Variants in ELF4 observed in about 807,000 individuals in gnomAD.
The protein encoded by ELF4 is E74 like ETS transcription factor 4.
In ELF4, 10 loss-of-function variants were observed where a neutral mutation model predicts 31.7. The ratio of observed to expected loss-of-function variants is 0.32; its 90% CI spans 0.19 to 0.54. ELF4 has a LOEUF of 0.54. Among genes scored for constraint, ELF4 ranks in the 20% least tolerant of loss-of-function variants. The pLI is 0.95. For missense variants in ELF4, 418 were observed against 522.0 expected (o/e 0.80, Z 1.94); for synonymous variants, 208 against 226.7 (o/e 0.92, Z 0.74).
At chrX:130,094,930 G>C (rs1011410767) in intron 1 of ELF4, among the ~76,000 whole-genome samples, 4 of 111,545 alleles carry the variant, frequency 3.6e-5, no homozygotes, top group African/African-American at 1.3e-4. Flanking sequence ...AGCTCAGGGT[G>C]AGCACTTGTG....
chrX:130,088,254 T>G (rs1932993371), intron 1 of ELF4, among the ~76,000 whole-genome samples: 1 of 107,773 alleles, frequency 9.3e-6, no homozygotes, highest in Non-Finnish European at 1.9e-5. Flanking sequence ...ATAAATAAAA[T>G]AAGAGTGGGT....
intron 8 of ELF4, among the ~76,000 whole-genome samples, chrX:130,068,930 A>G (rs2124611906): frequency 8.9e-6 from 1 of 112,433 alleles, no homozygotes; most frequent in Admixed American, 9.4e-5. Flanking sequence ...CAAGAAGTTG[A>G]AAACTGAGCC....
At chrX:130,100,914 T>C (rs1933241833) in intron 1 of ELF4, among the ~76,000 whole-genome samples, 1 of 112,311 alleles carries the variant, frequency 8.9e-6, no homozygotes, top group South Asian at 3.7e-4. Context: ...ATCTTAGGGC[T>C]ACAGACTAGG....
chrX:130,078,801 AC>A (rs1569404493), intron 2 of ELF4, among the ~76,000 whole-genome samples: 2 of 104,722 alleles, frequency 1.9e-5, no homozygotes, highest in Non-Finnish European at 4.0e-5. Context: ...ACACACACAC[AC>A]ACACAATTAG....
At position 130,072,562 on chromosome X, in the gene ELF4, C is replaced by T. The variant is rs1932798483; in HGVS notation, c.341-145G>A. 3 of 559,813 alleles carry T rather than the reference C, an allele frequency of 5.4e-6. No homozygotes were observed. The East Asian group carries it at 1.0e-4, about 19-fold the overall frequency. 46.1% of individuals were successfully genotyped at this position (559,813 alleles called of 1,213,427 possible). ...ACACAGGATACACCTGAAAATGCCT[C>T]ATGTGGCTTGTACCACGAGGAGAGG... On this transcript the variant is annotated intron_variant, in intron 4 of 8. Transcript: ENST00000308167.
At chrX:130,074,834 C>A in intron 2 of ELF4, 82 bp from the exon 3 acceptor site, 1 of 1,093,324 alleles carries the variant, frequency 9.1e-7, no homozygotes, top group Non-Finnish European at 1.3e-6. Flanking sequence ...GCCCTCTGTG[C>A]AAGTCCTTAT....
At chrX:130,086,602 C>T (rs982494041) in intron 1 of ELF4, among the ~76,000 whole-genome samples, 2 of 112,368 alleles carry the variant, frequency 1.8e-5, no homozygotes, top group African/African-American at 3.2e-5. Flanking sequence ...ATGGAAAAGT[C>T]GGCCATCTTT....
rs1932707394 is a variant in ELF4, at chrX:130,067,367, G to A, written c.1346C>T (p.Ala449Val). The A allele has an allele frequency of 2.5e-6, 3 of 1,212,060 alleles. No homozygotes were observed. In the African/African-American group the frequency reaches 5.2e-5, roughly 21 times the overall value. Residue 449 changes from alanine to valine, a missense_variant, in exon 9 of 9, where the codon GCG (alanine) becomes GTG (valine). This residue lies in a region of ELF4 where 260 missense variants were observed against 269.2 expected (regional missense o/e 0.97). Transcript: ENST00000308167. The stretch of plus-strand genomic sequence containing the variant: ...GAAGGTGTCCTTGAAAGTAGAGGCC[G>A]CTGGAACACTCTGGAGAACGAGCTG... ...PTQLVLQSVP[A>V]ASTFKDTFTL...
chrX:130,083,540 A>G (rs1364226235), intron 1 of ELF4, among the ~76,000 whole-genome samples: 1 of 110,948 alleles, frequency 9.0e-6, no homozygotes, highest in African/African-American at 3.3e-5. Flanking sequence ...CCCCAAGGTC[A>G]CTCGCTGTAG....
chrX:130,109,207 T>C (rs1047266109), intron 1 of ELF4, among the ~76,000 whole-genome samples: 17 of 111,982 alleles, frequency 1.5e-4, no homozygotes, highest in African/African-American at 5.5e-4. Context: ...CCAATGGGCG[T>C]GCCCACCAGC....
intron 1 of ELF4, among the ~76,000 whole-genome samples, chrX:130,093,998 G>A (rs932681943): frequency 1.1e-4 from 12 of 111,977 alleles, no homozygotes; most frequent in Non-Finnish European, 3.8e-5. Flanking sequence ...TTGGGAGGAC[G>A]AGGTGGGTGA....
chrX:130,072,180 G>T, intron 5 of ELF4, 46 bp downstream of exon 5: 5 of 580,933 alleles, frequency 8.6e-6, no homozygotes, highest in Non-Finnish European at 1.4e-5. Context: ...CCCACGCCCC[G>T]CCCATCCCCT....
chrX:130,107,939 G>C (rs1933404070), intron 1 of ELF4, among the ~76,000 whole-genome samples: 1 of 112,765 alleles, frequency 8.9e-6, no homozygotes, highest in Admixed American at 9.4e-5. Flanking sequence ...GCTGGGCACA[G>C]TGGCTCACGC....
chrX:130,109,659 C>CG (rs1933439427), intron 1 of ELF4, among the ~76,000 whole-genome samples: 1 of 111,980 alleles, frequency 8.9e-6, no homozygotes, highest in Admixed American at 9.4e-5. Context: ...ATTCATAAAG[C>CG]GGTCACCGCC....
chrX:130,110,130 T>C (rs1345027516), intron 1 of ELF4, among the ~76,000 whole-genome samples, 195 bp downstream of exon 1: 2 of 110,778 alleles, frequency 1.8e-5, no homozygotes, highest in Admixed American at 9.3e-5. Context: ...TCCACTTCCA[T>C]CCCGGGATCG....
intron 2 of ELF4, 32 bp from the exon 3 acceptor site, chrX:130,074,784 C>G (rs755441691): frequency 1.5e-5 from 18 of 1,206,082 alleles, no homozygotes; most frequent in Non-Finnish European, 2.0e-5. Flanking sequence ...GATTCAAGAC[C>G]CACCCAGCTC....
chrX:130,106,765 C>T (rs1204179367), intron 1 of ELF4, among the ~76,000 whole-genome samples: 1 of 111,719 alleles, frequency 9.0e-6, no homozygotes, highest in African/African-American at 3.3e-5. Flanking sequence ...ATGCCAAGCC[C>T]GGGTTGGGGT....
intron 1 of ELF4, 133 bp from the exon 2 acceptor site, chrX:130,081,672 G>T: frequency 3.2e-6 from 1 of 313,603 alleles, no homozygotes; most frequent in Non-Finnish European, 5.7e-6. Flanking sequence ...CGAAACGGGA[G>T]GATGATGAGA....
intron 1 of ELF4, among the ~76,000 whole-genome samples, chrX:130,081,782 C>T (rs991194910): frequency 2.7e-5 from 3 of 112,003 alleles, no homozygotes; most frequent in African/African-American, 9.7e-5. Context: ...TGTTGGTGCC[C>T]GTCTGGGTCA....
Sources: allele counts gnomAD v4.1 joint callset (sites outside exome capture counted in the v4.1 genomes callset), GRCh38; gene constraint gnomAD v4.1.1; regional missense constraint gnomAD v4.1.1; transcripts MANE v1.5; gene names NCBI Gene and HGNC (gene_info 2026-07-23, HGNC 2026-07-21).